The following SYNE2 variants were observed in gnomAD, a reference collection of about 807,000 sequenced individuals.
SYNE2 encodes spectrin repeat containing nuclear envelope protein 2.
Under a neutral mutation model 856.3 loss-of-function variants are expected in SYNE2, and 431 were observed. The observed-to-expected ratio is 0.50, with a 90% confidence interval of 0.47 to 0.55. SYNE2 has a LOEUF of 0.55. Ranked by LOEUF, SYNE2 falls within the 20% of genes least tolerant of loss-of-function variation. SYNE2 has a pLI of 0.00. For missense variants in SYNE2, 8,129 were observed against 8,023.2 expected, an observed-to-expected ratio of 1.01 and a Z score of -0.50; for synonymous variants, 2,923 against 2,872.3, an observed-to-expected ratio of 1.02 and a Z score of -0.56.
intron 74 of SYNE2, among the ~76,000 whole-genome samples, chr14:64,129,539 A>G (rs1244587867): frequency 6.6e-6 from 1 of 152,148 alleles, no homozygotes; most frequent in Non-Finnish European, 1.5e-5. Flanking sequence ...CGCAGGACAG[A>G]ATGCTGTGGT....
In SYNE2 at chr14:64,024,557, A is replaced by C. The variant is rs757064277; in HGVS notation, c.5840+98A>C. ...GAGAGCACTGGGATACGCAGTACAC[A>C]CAAATTTCACACACAAAAGGCGTAC... On this transcript the variant is annotated intron_variant, in intron 39 of 115. Transcript: ENST00000555002. The C allele has an allele frequency of 8.0e-5, 92 of 1,148,060 alleles. 1 individual carries two copies. The African/African-American group carries it at 1.2e-3, about 16-fold the overall frequency. 71.1% of individuals were successfully genotyped at this position (1,148,060 alleles called of 1,614,324 possible).
chr14:63,956,135 A>G (rs2096239151), intron 8 of SYNE2, among the ~76,000 whole-genome samples: 2 of 152,236 alleles, frequency 1.3e-5, no homozygotes, highest in Non-Finnish European at 2.9e-5. Flanking sequence ...ACAACAGTCA[A>G]GCCTTCATTT....
chr14:63,909,640 G>A (rs919745733), intron 2 of SYNE2, among the ~76,000 whole-genome samples: 116 of 152,230 alleles, frequency 7.6e-4, no homozygotes, highest in African/African-American at 2.6e-3. Flanking sequence ...TCAGGAGTTC[G>A]AGACCAGCCT....
At chr14:63,874,059 T>A (rs2094655192) in intron 1 of SYNE2, 1 of 152,198 alleles carries the variant, frequency 6.6e-6, no homozygotes, top group Non-Finnish European at 1.5e-5. Context: ...AAAAACCATT[T>A]GTTAGCTTGG....
At chr14:63,801,206 G>C (rs1265684762) in intron 1 of SYNE2, among the ~76,000 whole-genome samples, 1 of 151,992 alleles carries the variant, frequency 6.6e-6, no homozygotes, top group African/African-American at 2.4e-5. Context: ...GAGCAGAAAG[G>C]GTTTCTTAAT....
chr14:63,840,127 G>A lies in SYNE2; in HGVS notation c.-304-12374G>A, dbSNP rs117876459. ...CTACCAGAAATAGAAAAAATTAGCC[G>A]GGCGTGGTGTCACATGAATGTAATC... On this transcript the variant is annotated intron_variant, in intron 1 of 23. Coordinates refer to the SYNE2 transcript ENST00000674003. Among the ~76,000 whole-genome samples the A allele has an allele frequency of 3.8e-3, 583 of 152,154 alleles. 17 individuals carry two copies. The East Asian group carries it at 0.069, about 18-fold the overall frequency.
chr14:63,969,584 A>G (rs527975960), intron 11 of SYNE2, among the ~76,000 whole-genome samples: 4 of 151,248 alleles, frequency 2.6e-5, no homozygotes, highest in African/African-American at 9.7e-5. Flanking sequence ...CTCGTGATCC[A>G]CCCGCCTCGG....
At chr14:63,989,744 G>A (rs1420499989) in intron 19 of SYNE2, among the ~76,000 whole-genome samples, 2 of 152,162 alleles carry the variant, frequency 1.3e-5, no homozygotes, top group Non-Finnish European at 2.9e-5. Context: ...TCTGCCTCCT[G>A]GGTTCAAGCA....
intron 1 of SYNE2, among the ~76,000 whole-genome samples, chr14:63,841,721 A>G (rs1890069863): frequency 6.6e-6 from 1 of 151,608 alleles, no homozygotes; most frequent in African/African-American, 2.4e-5. Flanking sequence ...TTTGGTTTTT[A>G]TTCAGATTTC....
At chr14:64,118,686 C>T (rs891186173) in intron 66 of SYNE2, among the ~76,000 whole-genome samples, 3 of 151,924 alleles carry the variant, frequency 2.0e-5, no homozygotes, top group African/African-American at 2.4e-5. Context: ...AATGGCGAAA[C>T]GCCATCTCTA....
At chr14:64,219,485 T>C (rs2140357240) in intron 110 of SYNE2, 75 bp downstream of exon 110, 1 of 1,469,802 alleles carries the variant, frequency 6.8e-7, no homozygotes, top group Non-Finnish European at 9.5e-7. Flanking sequence ...GACGAGCAGA[T>C]CCCATGTATT....
chr14:64,192,738 T>C (rs1034681610), intron 99 of SYNE2, among the ~76,000 whole-genome samples: 7 of 152,198 alleles, frequency 4.6e-5, no homozygotes, highest in Non-Finnish European at 8.8e-5. Context: ...CACAGTTACA[T>C]AGCCAGCATG....
At chr14:63,842,071 T>A (rs1366968638) in intron 1 of SYNE2, among the ~76,000 whole-genome samples, 3 of 152,006 alleles carry the variant, frequency 2.0e-5, no homozygotes, top group Non-Finnish European at 4.4e-5. Flanking sequence ...CCTGACCTCA[T>A]GATCCGCTTG....
intron 1 of SYNE2, among the ~76,000 whole-genome samples, chr14:63,838,297 A>G (rs553432674): frequency 1.4e-4 from 22 of 152,280 alleles, no homozygotes; most frequent in South Asian, 1.2e-3. Context: ...AGATTATGCC[A>G]TTGCACTCTG....
At chr14:63,802,071 C>T (rs754128810) in intron 1 of SYNE2, among the ~76,000 whole-genome samples, 5 of 150,200 alleles carry the variant, frequency 3.3e-5, no homozygotes, top group Non-Finnish European at 7.4e-5. Context: ...AAATAATACC[C>T]TAAAAATAGA....
intron 87 of SYNE2, among the ~76,000 whole-genome samples, chr14:64,161,022 T>C (rs1262890220): frequency 6.6e-6 from 1 of 152,124 alleles, no homozygotes; most frequent in Non-Finnish European, 1.5e-5. Flanking sequence ...TATTTTCTTT[T>C]ATTACTAACG....
intron 11 of SYNE2, among the ~76,000 whole-genome samples, chr14:63,969,421 ACC>A: frequency 7.1e-6 from 1 of 141,376 alleles, no homozygotes; most frequent in East Asian, 2.1e-4. Flanking sequence ...GCTCACTGCA[ACC>A]CCTCCACCTC....
At chr14:64,139,515 G>A (rs1183813140) in intron 79 of SYNE2, among the ~76,000 whole-genome samples, 1 of 151,920 alleles carries the variant, frequency 6.6e-6, no homozygotes, top group African/African-American at 2.4e-5. Context: ...GGGTTCAGGC[G>A]ATTCTCCTGC....
rs749890589 is a variant in SYNE2, at chr14:64,010,052, A to G, written c.4664A>G (p.Glu1555Gly). ...SILTTLIQKE[E>G]SVISLQASYM... ...TTGACAACTTTGATTCAAAAAGAAG[A>G]GAGTGTCATCTCCCTGCAGGCTTCG... is the stretch of plus-strand genomic sequence containing the variant. The change falls in exon 32 of 116, where the codon GAG (glutamate) becomes GGG (glycine). Residue 1555 changes from glutamate to glycine, a missense_variant. Around this residue, in one of 3 missense-constraint regions of SYNE2, gnomAD observed 2,422 missense variants for 2,357.4 expected, o/e 1.03. Transcript: ENST00000555002. 6.2e-7 allele frequency: 1 copy of G among 1,614,080 alleles called. No homozygotes were observed. Among genetic ancestry groups the G allele is most frequent in the Non-Finnish European group, 8.5e-7 (1 of 1,179,958 alleles).
Sources: gnomAD v4.1 joint callset for allele counts (sites outside exome capture counted in the v4.1 genomes callset) on GRCh38, gnomAD v4.1.1 for gene constraint, gnomAD v4.1.1 regional missense constraint, MANE v1.5 for transcripts, NCBI Gene and HGNC (gene_info 2026-07-23, HGNC 2026-07-21) for gene names.